Variants in DNAH9 observed in about 807,000 individuals in gnomAD.
DNAH9 encodes the protein dynein axonemal heavy chain 9.
Under a neutral mutation model 471.6 loss-of-function variants are expected in DNAH9, and 345 were observed. That is an observed-to-expected ratio of 0.73 (90% CI 0.67 to 0.80). The LOEUF is 0.80. DNAH9 is among the 30% of genes least tolerant of loss of function. The probability of loss-of-function intolerance (pLI) is 0.00; values close to 1 mark genes in which losing one functional copy is unlikely to be tolerated. For missense variants in DNAH9, 5,407 were observed against 5,609.2 expected, an observed-to-expected ratio of 0.96 and a Z score of 1.15; for synonymous variants, 2,093 against 2,123.6, an observed-to-expected ratio of 0.99 and a Z score of 0.40.
chr17:11,797,637 T>A lies in DNAH9; in HGVS notation c.8264T>A (p.Leu2755Gln), dbSNP rs949035686. The stretch of plus-strand genomic sequence containing the variant: ...GTGGAGCAGACCCAAAGCCCGAACC[T>A]GTATTGTCACTTTGCAAATGGTATT... ...DPVEQTQSPN[L>Q]YCHFANGIGE... Residue 2755 changes from leucine to glutamine, a missense_variant, in exon 43 of 69, where the codon CTG becomes CAG. Coordinates refer to ENST00000262442, the MANE Select transcript of DNAH9 (RefSeq NM_001372.4). 3 of 1,614,120 alleles carry A rather than the reference T, an allele frequency of 1.9e-6. No individual in the cohort carries two copies. The highest frequency in any genetic ancestry group is 1.7e-4 in the Middle Eastern group (1 of 6,028).
intron 67 of DNAH9, among the ~76,000 whole-genome samples, chr17:11,953,407 C>A (rs977197611): frequency 2.0e-5 from 3 of 152,180 alleles, no homozygotes; most frequent in Non-Finnish European, 4.4e-5. Flanking sequence ...TCTCATTCAC[C>A]TGATTCTGAT....
At position 11,892,372 on chromosome 17, in the gene DNAH9, C is replaced by A. The variant is rs917407069; in HGVS notation, c.11283+425C>A. On this transcript the variant is annotated intron_variant, in intron 58 of 68. Coordinates refer to ENST00000262442, the MANE Select transcript of DNAH9 (RefSeq NM_001372.4). This position sits in a 1 kb window ranked among gnomAD's most constrained non-coding sequence, Gnocchi z 4.3. ...CTGCAAGTTTACTGATGCAGCCATC[C>A]CCCGGGATAAGAAATTGCACAGGTC... 1.3e-5 allele frequency among the ~76,000 whole-genome samples: 2 copies of A among 152,062 alleles called. No homozygotes were observed. The highest frequency in any genetic ancestry group is 3.9e-4 in the East Asian group (2 of 5,190).
chr17:11,869,468 G>A (rs558516189), intron 51 of DNAH9, among the ~76,000 whole-genome samples: 5 of 152,314 alleles, frequency 3.3e-5, no homozygotes, highest in African/African-American at 9.6e-5. Flanking sequence ...TGGTTGGGAG[G>A]ATGGGAGCAC....
chr17:11,793,286 A>C (rs1040513246), intron 41 of DNAH9, among the ~76,000 whole-genome samples: 1 of 152,168 alleles, frequency 6.6e-6, no homozygotes, highest in African/African-American at 2.4e-5. Flanking sequence ...TGGTTGTGCA[A>C]GTATTTGAGG....
chr17:11,653,406 A>T (rs34937671), intron 14 of DNAH9, among the ~76,000 whole-genome samples: 5,908 of 152,262 alleles, frequency 0.039, 146 homozygotes, highest in Non-Finnish European at 0.06. Context: ...AGCCTAAAGA[A>T]ATGAAAGACT....
At chr17:11,880,225 C>A (rs778832948) in intron 54 of DNAH9, 25 bp downstream of exon 54, 3 of 1,610,120 alleles carry the variant, frequency 1.9e-6, no homozygotes, top group Non-Finnish European at 8.5e-7. Context: ...TGTTGCTGAC[C>A]CTTCGGGGGG....
chr17:11,628,572 C>T (rs887397816), intron 6 of DNAH9, among the ~76,000 whole-genome samples: 2 of 152,184 alleles, frequency 1.3e-5, no homozygotes, highest in Non-Finnish European at 2.9e-5. Flanking sequence ...TATGCACGCC[C>T]AGCGAGGGCG....
At chr17:11,826,509 G>C (rs1192147474) in intron 48 of DNAH9, among the ~76,000 whole-genome samples, 5 of 139,788 alleles carry the variant, frequency 3.6e-5, no homozygotes, top group Non-Finnish European at 7.5e-5. Flanking sequence ...CGCACAGGCT[G>C]GAGTGCAGTG....
In DNAH9 at chr17:11,947,772, A is replaced by ATT. The variant is rs71367359; in HGVS notation, c.12843+5313_12843+5314dup. Among the ~76,000 whole-genome samples the ATT allele has an allele frequency of 2.5e-3, 265 of 108,080 alleles. 4 individuals carry two copies. The highest frequency in any genetic ancestry group is 4.7e-3 in the Middle Eastern group (1 of 214). The allele number at this position is 108,080 out of a possible 152,430, so 70.9% of individuals were successfully genotyped here. Reference sequence around the variant, plus strand: ...CAGAATCTGGGAGGGGCTGGGAACTATTTTTTTTTTTTTTTTTTTTTTTTT... The same window carrying ATT: ...CAGAATCTGGGAGGGGCTGGGAACTATTTTTTTTTTTTTTTTTTTTTTTTTTT... On this transcript the variant is annotated intron_variant, in intron 67 of 68. Coordinates refer to ENST00000262442, the MANE Select transcript of DNAH9 (RefSeq NM_001372.4).
At chr17:11,968,619 G>A (rs143484328) in intron 68 of DNAH9, among the ~76,000 whole-genome samples, 3 of 152,312 alleles carry the variant, frequency 2.0e-5, no homozygotes, top group Middle Eastern at 3.4e-3. Context: ...GTTGTAAAAC[G>A]TCAAGTCCAG....
At chr17:11,886,256 G>A (rs193142612) in intron 56 of DNAH9, among the ~76,000 whole-genome samples, 8 of 152,112 alleles carry the variant, frequency 5.3e-5, no homozygotes, top group African/African-American at 1.7e-4. Flanking sequence ...CCCAGGAGGC[G>A]GAGGTTGCAG....
At chr17:11,956,580 A>G (rs1234463560) in intron 67 of DNAH9, among the ~76,000 whole-genome samples, 1 of 152,166 alleles carries the variant, frequency 6.6e-6, no homozygotes, top group Non-Finnish European at 1.5e-5. Context: ...ATTTTATGTC[A>G]TAAAGCAATA....
chr17:11,734,255 G>A (rs2075311444), intron 28 of DNAH9, among the ~76,000 whole-genome samples: 1 of 152,078 alleles, frequency 6.6e-6, no homozygotes, highest in African/African-American at 2.4e-5. Context: ...TGATTACTAC[G>A]CACAATAAAA....
Position 11,782,845 on chromosome 17 carries a change from C to T in DNAH9, c.7719-801C>T, listed in dbSNP as rs1364586578. 2.6e-5 allele frequency among the ~76,000 whole-genome samples: 4 copies of T among 152,074 alleles called. 1 individual carries two copies. Among genetic ancestry groups the T allele is most frequent in the Non-Finnish European group, 5.9e-5 (4 of 68,002 alleles). Reference sequence around the variant, plus strand: ...CCAGAAGGTAGAGGTTGCAGTGAGCCGAGATCTGCCATTGCACTCCAGCCT... The same window carrying T: ...CCAGAAGGTAGAGGTTGCAGTGAGCTGAGATCTGCCATTGCACTCCAGCCT... On this transcript the variant is annotated intron_variant, in intron 39 of 68. Transcript: ENST00000262442.
chr17:11,905,942 C>T lies in DNAH9; in HGVS notation c.11749+133C>T, dbSNP rs533458251. ...CTGCAAATCATACAGAAGTCAGGGT[C>T]ATTGCTGAAATAAAATCAGAAGATC... On this transcript the variant is annotated intron_variant, in intron 61 of 68. Transcript: ENST00000262442. 6.7e-6 allele frequency: 8 copies of T among 1,193,828 alleles called. No homozygotes were observed. In the Admixed American group the frequency reaches 1.6e-4, roughly 24 times the overall value. The allele number at this position is 1,193,828 out of a possible 1,614,324, so 74.0% of individuals were successfully genotyped here.
chr17:11,893,707 T>TTG (rs1973132262), intron 58 of DNAH9, among the ~76,000 whole-genome samples: 1 of 151,728 alleles, frequency 6.6e-6, no homozygotes, highest in Non-Finnish European at 1.5e-5. Flanking sequence ...CTGGGGCCTG[T>TTG]CAGGGGGTGG....
At chr17:11,846,455 C>T (rs1304958260) in intron 49 of DNAH9, among the ~76,000 whole-genome samples, 1 of 151,466 alleles carries the variant, frequency 6.6e-6, no homozygotes, top group Non-Finnish European at 1.5e-5. Context: ...CGGCTTTGTT[C>T]TTTTGGCTTA....
intron 36 of DNAH9, among the ~76,000 whole-genome samples, chr17:11,763,830 C>T (rs1032607629): frequency 2.0e-5 from 3 of 152,268 alleles, no homozygotes; most frequent in Admixed American, 6.5e-5. Flanking sequence ...GTGTTCGGAG[C>T]TTTTCCTTTT....
intron 26 of DNAH9, among the ~76,000 whole-genome samples, chr17:11,717,063 A>G (rs548773392): frequency 6.6e-6 from 1 of 152,342 alleles, no homozygotes; most frequent in South Asian, 2.1e-4. Context: ...GTGTTACCAA[A>G]TGGTAACAGT....
Sources: allele counts gnomAD v4.1 joint callset (sites outside exome capture counted in the v4.1 genomes callset), GRCh38; gene constraint gnomAD v4.1.1; non-coding constraint Gnocchi (gnomAD v3.1); transcripts MANE v1.5; gene names NCBI Gene and HGNC (gene_info 2026-07-23, HGNC 2026-07-21).